ABCF1: variants seen among roughly 807,000 people sequenced by gnomAD.
ABCF1 encodes the protein ATP-binding cassette sub-family F member 1.
Under a neutral mutation model 126.3 loss-of-function variants are expected in ABCF1, and 73 were observed. The ratio of observed to expected loss-of-function variants is 0.58; its 90% CI spans 0.48 to 0.70. The LOEUF is 0.70. Ranked by LOEUF, ABCF1 falls within the 30% of genes least tolerant of loss-of-function variation. The pLI is 0.00. For missense variants in ABCF1, 786 were observed against 1,057.5 expected, an observed-to-expected ratio of 0.74 and a Z score of 3.56; for synonymous variants, 345 against 396.4, an observed-to-expected ratio of 0.87 and a Z score of 1.54.
intron 20 of ABCF1, among the ~76,000 whole-genome samples, chr6:30,588,942 C>T (rs1802295159): frequency 6.6e-6 from 1 of 152,010 alleles, no homozygotes; most frequent in Non-Finnish European, 1.5e-5. Flanking sequence ...TTGCTTAACT[C>T]CCCTTTTGTC....
chr6:30,582,425 A>G lies in ABCF1; in HGVS notation c.710A>G (p.Glu237Gly). 4 of 1,610,508 alleles carry G rather than the reference A, an allele frequency of 2.5e-6. No homozygotes were observed. Among genetic ancestry groups the G allele is most frequent in the Non-Finnish European group, 3.4e-6 (4 of 1,177,876 alleles). ...GSEEEGEGEE[E>G]EEEGGESKAD... ...GAGGAAGAAGGAGAAGGGGAAGAAG[A>G]GGAGGAGGAAGGAGGAGAGTCTAAG... The change falls in exon 9 of 25, where the codon GAG becomes GGG. Residue 237 changes from glutamate (E) to glycine (G), a missense_variant. By Grantham distance (98) the Glu-to-Gly change is moderately conservative. Transcript: ENST00000326195.
At chr6:30,576,202 CTTAA>C (rs953724719) in intron 1 of ABCF1, among the ~76,000 whole-genome samples, 27 of 147,926 alleles carry the variant, frequency 1.8e-4, no homozygotes, top group African/African-American at 6.2e-4. Flanking sequence ...CCACTGCCTC[CTTAA>C]TTAATAAATG....
At chr6:30,585,735 C>G in intron 16 of ABCF1, 53 bp downstream of exon 16, 1 of 1,604,334 alleles carries the variant, frequency 6.2e-7, no homozygotes, top group Non-Finnish European at 8.5e-7. Context: ...CGAAAAGAGG[C>G]CTGAGTGGGA....
chr6:30,589,349 G>C, intron 20 of ABCF1: 3 of 356,236 alleles, frequency 8.4e-6, no homozygotes, highest in South Asian at 3.1e-5. Flanking sequence ...CCCATTTCTG[G>C]TGTTTGTCTC....
Position 30,584,292 on chromosome 6 carries a change from G to A in ABCF1, c.1203G>A (p.Leu401=). Residue 401 remains leucine, a synonymous_variant, in exon 13 of 25, where the codon CTG becomes CTA. Coordinates refer to ENST00000326195, the MANE Select transcript of ABCF1 (RefSeq NM_001025091.2). The surrounding 1 kb of genome is among the most constrained non-coding windows in gnomAD (Gnocchi z 4.6). ...LEEERRLQGQ[L]EQGDDTAAER... is the part of the protein sequence containing the mutation. ...AGGAGCGGCGGCTTCAGGGACAGCT[G>A]GAACAAGGGGATGACACAGCTGCTG... The A allele has an allele frequency of 6.2e-7, 1 of 1,613,104 alleles. No homozygotes were observed. The highest frequency in any genetic ancestry group is 8.5e-7 in the Non-Finnish European group (1 of 1,180,030).
chr6:30,583,566 G>C lies in ABCF1; in HGVS notation c.916-42G>C. The stretch of plus-strand genomic sequence containing the variant: ...TGTCCCAAAGGGAGAATTTTCATGT[G>C]ATCATCCCTTCCCTCTGCCACCTCT... On this transcript the variant is annotated intron_variant, in intron 10 of 24. Coordinates refer to ENST00000326195, the MANE Select transcript of ABCF1 (RefSeq NM_001025091.2). The surrounding 1 kb of genome is among the most constrained non-coding windows in gnomAD (Gnocchi z 4.1). 1 of 1,599,454 alleles carries C rather than the reference G, an allele frequency of 6.3e-7. No homozygotes were observed. Among genetic ancestry groups the C allele is most frequent in the African/African-American group, 1.3e-5 (1 of 74,732 alleles).
rs17195453 is a variant in ABCF1 at position 30,586,092 on chromosome 6, C to T, written c.1714-42C>T. 0.022 allele frequency: 34,510 copies of T among 1,601,656 alleles called. 721 individuals are homozygous for T. The highest frequency in any genetic ancestry group is 0.11 in the African/African-American group (7,972 of 74,078). On this transcript the variant is annotated intron_variant, in intron 17 of 24. Coordinates refer to ENST00000326195, the MANE Select transcript of ABCF1 (RefSeq NM_001025091.2). This position sits in a 1 kb window ranked among gnomAD's most constrained non-coding sequence, Gnocchi z 4.9. ...CGCTGGCCTACATTTCAAGGACTGC[C>T]GCGCAGGGCTCAGGTTTCTCTTTTT...
chr6:30,572,125 A>C, intron 1 of ABCF1, among the ~76,000 whole-genome samples: 1 of 152,132 alleles, frequency 6.6e-6, no homozygotes, highest in East Asian at 1.9e-4. Flanking sequence ...TTAATTAAGC[A>C]CTCTATATAC....
rs747088037 is a variant in ABCF1, at chr6:30,590,338, T to A, written c.2331T>A (p.Ser777=). ...CAACCAATAACCTGGACATAGAGTC[T>A]ATTGATGCTCTAGGGGAGGCCATCA... ...DEPTNNLDIE[S]IDALGEAINE... The change falls in exon 24 of 25, where the codon TCT becomes TCA. Residue 777 remains serine, a synonymous_variant. Transcript: ENST00000326195. 2.5e-6 allele frequency: 4 copies of A among 1,612,034 alleles called. No homozygotes were observed. In the South Asian group the frequency reaches 4.4e-5, roughly 18 times the overall value.
Position 30,585,662 on chromosome 6 carries a change from A to G in ABCF1, c.1580A>G (p.His527Arg), listed in dbSNP as rs139398458. Residue 527 changes from histidine to arginine, a missense_variant, in exon 16 of 25, where the codon CAC becomes CGC. Physicochemically the swap from His to Arg is conservative, Grantham distance 29. This residue lies in a region of ABCF1 where 288 missense variants were observed against 423.5 expected (regional missense o/e 0.68). Transcript: ENST00000326195. ...DIIHLDAQRL[H>R]YYRGNYMTFK... ...ATCCACCTCGATGCCCAGCGGCTCCACTACTATAGGGGCAATTACAGTAAG... is the reference window on the plus strand; with the variant it reads ...ATCCACCTCGATGCCCAGCGGCTCCGCTACTATAGGGGCAATTACAGTAAG... 2.3e-5 allele frequency: 37 copies of G among 1,612,926 alleles called. No individual in the cohort carries two copies. The highest frequency in any genetic ancestry group is 3.0e-5 in the Non-Finnish European group (35 of 1,180,042).
chr6:30,586,295 G>A lies in ABCF1; in HGVS notation c.1875G>A (p.Leu625=), dbSNP rs1184221346. 1 of 1,606,820 alleles carries A rather than the reference G, an allele frequency of 6.2e-7. No homozygotes were observed. The highest frequency in any genetic ancestry group is 1.1e-5 in the South Asian group (1 of 90,470). ...PDPPPLSPPV[L]GLHGVTFGYQ... Reference sequence around the variant, plus strand: ...CCCCACCACTCAGCCCTCCAGTGCTGGGTCTGCATGGTGAGTGCCGCGGGC... The same window carrying A: ...CCCCACCACTCAGCCCTCCAGTGCTAGGTCTGCATGGTGAGTGCCGCGGGC... The change falls in exon 18 of 25, where the codon CTG becomes CTA. Residue 625 remains leucine, a synonymous_variant. Coordinates refer to ENST00000326195, the MANE Select transcript of ABCF1 (RefSeq NM_001025091.2). This position sits in a 1 kb window ranked among gnomAD's most constrained non-coding sequence, Gnocchi z 4.9.
In ABCF1 at chr6:30,586,958, T is replaced by C. The variant is rs926141983; in HGVS notation, c.2031+247T>C. Among the ~76,000 whole-genome samples the C allele has an allele frequency of 3.9e-5, 6 of 152,118 alleles. No homozygotes were observed. The highest frequency in any genetic ancestry group is 9.7e-5 in the African/African-American group (4 of 41,410). On this transcript the variant is annotated intron_variant, in intron 20 of 24. Transcript: ENST00000326195. The surrounding 1 kb of genome is among the most constrained non-coding windows in gnomAD (Gnocchi z 4.9). ...GTGTTTTGGTTATACAAGAAATATATGTCTTTTATAGAACGATTAAAAATT... is the reference window on the plus strand; with the variant it reads ...GTGTTTTGGTTATACAAGAAATATACGTCTTTTATAGAACGATTAAAAATT...
chr6:30,590,486 C>T, intron 24 of ABCF1, 49 bp from the exon 25 acceptor site: 2 of 1,586,044 alleles, frequency 1.3e-6, no homozygotes, highest in Non-Finnish European at 1.7e-6. Flanking sequence ...TCTGATTCCC[C>T]TCTTTCTCCT....
intron 8 of ABCF1, 117 bp downstream of exon 8, chr6:30,580,636 T>C (rs1801769607): frequency 1.6e-6 from 1 of 639,120 alleles, no homozygotes; most frequent in Non-Finnish European, 2.4e-6. Context: ...ATTCTTTTCT[T>C]TTTTTGGGGG....
At position 30,574,513 on chromosome 6, in the gene ABCF1, C is replaced by A. The variant is rs1179505453; in HGVS notation, c.74-2896C>A. Among the ~76,000 whole-genome samples the A allele has an allele frequency of 1.3e-5, 2 of 152,122 alleles. No individual in the cohort carries two copies. Among genetic ancestry groups the A allele is most frequent in the African/African-American group, 4.8e-5 (2 of 41,414 alleles). ...GGAGAAATTAGTGTCTGGGATGAGT[C>A]AGTCATCTGTGTTGATAAGGTGAGC... is the stretch of plus-strand genomic sequence containing the variant. On this transcript the variant is annotated intron_variant, in intron 1 of 24. Coordinates refer to ENST00000326195, the MANE Select transcript of ABCF1 (RefSeq NM_001025091.2). The surrounding 1 kb of genome is among the most constrained non-coding windows in gnomAD (Gnocchi z 4.3).
At chr6:30,585,525 T>C (rs377763837) in intron 15 of ABCF1, 33 bp from the exon 16 acceptor site, 1 of 1,612,618 alleles carries the variant, frequency 6.2e-7, no homozygotes, top group African/African-American at 1.3e-5. Context: ...ACTTGACCAC[T>C]GTGACACTTA....
rs569063230 is a variant in ABCF1, at chr6:30,575,227, G to A, written c.74-2182G>A. ...TGGGACTACATGCGTGCTCTGCCAC[G>A]CCCAGCTAATTTTTGTATTTTTAGT... On this transcript the variant is annotated intron_variant, in intron 1 of 24. Coordinates refer to ENST00000326195, the MANE Select transcript of ABCF1 (RefSeq NM_001025091.2). 6.6e-5 allele frequency among the ~76,000 whole-genome samples: 10 copies of A among 151,790 alleles called. No homozygotes were observed. In the East Asian group the frequency reaches 1.7e-3, roughly 26 times the overall value.
chr6:30,573,364 C>T (rs1801350673), intron 1 of ABCF1, among the ~76,000 whole-genome samples: 1 of 152,148 alleles, frequency 6.6e-6, no homozygotes, highest in African/African-American at 2.4e-5. Flanking sequence ...CTGAGTTAGG[C>T]GTTTCTGAGG....
chr6:30,579,907 A>C, intron 6 of ABCF1, 24 bp from the exon 7 acceptor site: 1 of 1,607,792 alleles, frequency 6.2e-7, no homozygotes, highest in Non-Finnish European at 8.5e-7. Context: ...GTATGTGTGT[A>C]ATGTGTATGT....
Sources: allele counts gnomAD v4.1 joint callset (sites outside exome capture counted in the v4.1 genomes callset), GRCh38; gene constraint gnomAD v4.1.1; regional missense constraint gnomAD v4.1.1; non-coding constraint Gnocchi (gnomAD v3.1); transcripts MANE v1.5; gene names NCBI Gene and HGNC (gene_info 2026-07-23, HGNC 2026-07-21).